Variants in CTDSPL2 observed in about 807,000 individuals in gnomAD.
CTDSPL2 encodes CTD small phosphatase like 2.
In CTDSPL2, 5 loss-of-function variants were observed where a neutral mutation model predicts 60.0. That is an observed-to-expected ratio of 0.08 (90% CI 0.04 to 0.18). The LOEUF (loss-of-function observed/expected upper bound fraction) is 0.18, where lower values mean the gene tolerates loss of function less well. Ranked by LOEUF, CTDSPL2 falls within the 10% of genes least tolerant of loss-of-function variation. The probability of loss-of-function intolerance (pLI) is 1.00; values close to 1 mark genes in which losing one functional copy is unlikely to be tolerated. For synonymous variants in CTDSPL2, 186 were observed against 189.3 expected (o/e 0.98, Z 0.14); for missense variants, 370 against 548.8 (o/e 0.67, Z 3.26).
chr15:44,506,992 C>T (rs774556829), intron 8 of CTDSPL2, among the ~76,000 whole-genome samples: 6 of 151,764 alleles, frequency 4.0e-5, no homozygotes, highest in Non-Finnish European at 8.8e-5. Flanking sequence ...CGGTCTCAAT[C>T]TCCTGACCTC....
chr15:44,484,387 T>C, intron 3 of CTDSPL2, 25 bp downstream of exon 3: 2 of 1,600,544 alleles, frequency 1.2e-6, no homozygotes, highest in Non-Finnish European at 1.7e-6. Flanking sequence ...AGATACTGTT[T>C]TATTTAGGTG....
At chr15:44,445,492 G>C (rs915008837) in intron 1 of CTDSPL2, among the ~76,000 whole-genome samples, 14 of 151,342 alleles carry the variant, frequency 9.3e-5, no homozygotes, top group Non-Finnish European at 4.4e-5. Flanking sequence ...ACCTGGCCTA[G>C]GTTCTAGATT....
At chr15:44,471,719 C>T (rs181393358) in intron 2 of CTDSPL2, among the ~76,000 whole-genome samples, 123 of 152,208 alleles carry the variant, frequency 8.1e-4, no homozygotes, top group Non-Finnish European at 1.3e-4. Flanking sequence ...ACCATTGCCT[C>T]AACTTTAGAA....
At chr15:44,454,431 C>T (rs373919832) in intron 1 of CTDSPL2, among the ~76,000 whole-genome samples, 2 of 152,040 alleles carry the variant, frequency 1.3e-5, no homozygotes, top group African/African-American at 4.8e-5. Context: ...TTTAGTTTAA[C>T]TAGATCCCAT....
At chr15:44,505,867 T>G (rs2081453155) in intron 8 of CTDSPL2, among the ~76,000 whole-genome samples, 1 of 152,122 alleles carries the variant, frequency 6.6e-6, no homozygotes, top group South Asian at 2.1e-4. Flanking sequence ...GTTTAGAGTT[T>G]GAGTTTAAAG....
chr15:44,469,679 T>C (rs985824859), intron 2 of CTDSPL2, among the ~76,000 whole-genome samples: 2 of 152,330 alleles, frequency 1.3e-5, no homozygotes, highest in African/African-American at 4.8e-5. Context: ...GGAATATATG[T>C]GATATTTCGG....
At chr15:44,506,607 G>C (rs1326985349) in intron 8 of CTDSPL2, among the ~76,000 whole-genome samples, 1 of 151,434 alleles carries the variant, frequency 6.6e-6, no homozygotes, top group East Asian at 1.9e-4. Flanking sequence ...TAGAGACGGG[G>C]TTTCTCTGTG....
intron 1 of CTDSPL2, among the ~76,000 whole-genome samples, chr15:44,435,029 A>G (rs947301625): frequency 6.6e-6 from 1 of 152,168 alleles, no homozygotes; most frequent in East Asian, 1.9e-4. Flanking sequence ...TCGGAGGCCA[A>G]GGCAGGCGGA....
rs981021473 is a variant in CTDSPL2 at position 44,526,069 on chromosome 15, G to A, written c.*1895G>A. ...TTGCTTGCAGGAAAAAAATACTACAGATTCATTTTAATGAGAATCTTTGAA... is the reference window on the plus strand; with the variant it reads ...TTGCTTGCAGGAAAAAAATACTACAAATTCATTTTAATGAGAATCTTTGAA... On this transcript the variant is annotated 3_prime_UTR_variant, in exon 13 of 13. Coordinates refer to ENST00000260327, the MANE Select transcript of CTDSPL2 (RefSeq NM_016396.3). The A allele has an allele frequency of 6.6e-6, 1 of 152,026 alleles. No individual in the cohort carries two copies. The highest frequency in any genetic ancestry group is 2.4e-5 in the African/African-American group (1 of 41,326). 9.4% of individuals were successfully genotyped at this position (152,026 alleles called of 1,614,324 possible).
At chr15:44,522,088 T>C (rs945724049) in intron 12 of CTDSPL2, among the ~76,000 whole-genome samples, 2 of 152,070 alleles carry the variant, frequency 1.3e-5, no homozygotes, top group African/African-American at 4.8e-5. Flanking sequence ...GGCTGCAATG[T>C]AGTAGCACAA....
intron 12 of CTDSPL2, 77 bp from the exon 13 acceptor site, chr15:44,524,032 A>C: frequency 9.0e-7 from 1 of 1,116,316 alleles, no homozygotes; most frequent in South Asian, 1.3e-5. Flanking sequence ...TTTTCTCTGC[A>C]AGGTAAGAAT....
chr15:44,485,242 C>T (rs1448631350), intron 3 of CTDSPL2, among the ~76,000 whole-genome samples: 2 of 152,216 alleles, frequency 1.3e-5, no homozygotes, highest in Non-Finnish European at 2.9e-5. Context: ...AATACTGCCG[C>T]TGTTGATAAA....
At chr15:44,464,745 C>T (rs2080648980) in intron 2 of CTDSPL2, among the ~76,000 whole-genome samples, 1 of 152,074 alleles carries the variant, frequency 6.6e-6, no homozygotes, top group Non-Finnish European at 1.5e-5. Flanking sequence ...CTCTCTCTGT[C>T]GCCCAGGCTG....
chr15:44,515,324 G>A lies in CTDSPL2; in HGVS notation c.1112+480G>A, dbSNP rs192568512. 3.4e-3 allele frequency among the ~76,000 whole-genome samples: 515 copies of A among 152,296 alleles called. 4 individuals carry two copies. The highest frequency in any genetic ancestry group is 0.012 in the African/African-American group (491 of 41,560). On this transcript the variant is annotated intron_variant, in intron 10 of 12. Coordinates refer to ENST00000260327, the MANE Select transcript of CTDSPL2 (RefSeq NM_016396.3). ...TACATGAATCTGATTGGAAATTACA[G>A]TGGGTTTAGTCACTCAGGTTATCCT... is the stretch of plus-strand genomic sequence containing the variant.
In CTDSPL2 at chr15:44,528,252, T is replaced by A. The variant is rs1463504709; in HGVS notation, c.*4078T>A. 1 of 152,136 alleles carries A rather than the reference T, an allele frequency of 6.6e-6. No homozygotes were observed. The highest frequency in any genetic ancestry group is 2.4e-5 in the African/African-American group (1 of 41,454). The allele number at this position is 152,136 out of a possible 1,614,324, so 9.4% of individuals were successfully genotyped here. ...CCCGAAACCTGACCATTAGAATTAC[T>A]CTGAGGAGCTTTTAAAATAGATTCC... is the stretch of plus-strand genomic sequence containing the variant. On this transcript the variant is annotated 3_prime_UTR_variant, in exon 13 of 13. Transcript: ENST00000260327.
intron 2 of CTDSPL2, among the ~76,000 whole-genome samples, chr15:44,475,214 CATT>C (rs2080892001): frequency 6.6e-6 from 1 of 151,884 alleles, no homozygotes; most frequent in Non-Finnish European, 1.5e-5. Flanking sequence ...TTTAACTTAG[CATT>C]GGAAAGTGGG....
intron 1 of CTDSPL2, chr15:44,449,059 T>C (rs1242733574): frequency 9.4e-6 from 3 of 318,652 alleles, no homozygotes; most frequent in Non-Finnish European, 1.8e-5. Flanking sequence ...GCTACAAATA[T>C]TGTGCTTCCA....
intron 1 of CTDSPL2, among the ~76,000 whole-genome samples, chr15:44,453,400 T>C (rs2080369070): frequency 6.6e-6 from 1 of 152,180 alleles, no homozygotes; most frequent in South Asian, 2.1e-4. Context: ...GAGATGATCA[T>C]GTGGATTTTT....
intron 1 of CTDSPL2, among the ~76,000 whole-genome samples, chr15:44,431,186 C>G (rs2079849962): frequency 6.6e-6 from 1 of 151,324 alleles, no homozygotes; most frequent in Non-Finnish European, 1.5e-5. Flanking sequence ...GTCTCAAACT[C>G]CTAGGCTCAA....
Sources: gnomAD v4.1 joint callset for allele counts (sites outside exome capture counted in the v4.1 genomes callset) on GRCh38, gnomAD v4.1.1 for gene constraint, MANE v1.5 for transcripts, NCBI Gene and HGNC (gene_info 2026-07-23, HGNC 2026-07-21) for gene names.